MAN1A1: variants seen among roughly 807,000 people sequenced by gnomAD.
The protein encoded by MAN1A1 is mannosidase alpha class 1A member 1, also known as mannosyl-oligosaccharide 1,2-alpha-mannosidase IA.
In MAN1A1, 29 loss-of-function variants were observed where a neutral mutation model predicts 70.8. That is an observed-to-expected ratio of 0.41 (90% confidence interval 0.31 to 0.56). MAN1A1 has a LOEUF of 0.56. Ranked by LOEUF, MAN1A1 falls within the 20% of genes least tolerant of loss-of-function variation. The pLI is 0.29. For missense variants in MAN1A1, 747 were observed against 841.3 expected (o/e 0.89, Z 1.39); for synonymous variants, 349 against 330.1 (o/e 1.06, Z -0.62).
At chr6:119,259,357 T>C (rs1582743187) in intron 5 of MAN1A1, among the ~76,000 whole-genome samples, 1 of 152,176 alleles carries the variant, frequency 6.6e-6, no homozygotes. Context: ...TTAAACTCTA[T>C]AGGTATGAAA....
At chr6:119,331,466 C>A (rs1215029214) in intron 2 of MAN1A1, among the ~76,000 whole-genome samples, 1 of 151,262 alleles carries the variant, frequency 6.6e-6, no homozygotes, top group Non-Finnish European at 1.5e-5. Context: ...AATTGTTTTT[C>A]TCTTGATTTA....
intron 5 of MAN1A1, among the ~76,000 whole-genome samples, chr6:119,252,112 C>T (rs1279778164): frequency 2.0e-5 from 3 of 152,036 alleles, no homozygotes; most frequent in South Asian, 4.2e-4. Flanking sequence ...ACGATCTCAA[C>T]GAGGGCATGG....
At chr6:119,299,267 G>A (rs1244197148) in intron 4 of MAN1A1, among the ~76,000 whole-genome samples, 1 of 151,830 alleles carries the variant, frequency 6.6e-6, no homozygotes, top group East Asian at 1.9e-4. Context: ...GAATTTGTAT[G>A]TTACTATTTT....
At chr6:119,277,139 A>T (rs2114390057) in intron 5 of MAN1A1, among the ~76,000 whole-genome samples, 1 of 152,324 alleles carries the variant, frequency 6.6e-6, no homozygotes, top group Admixed American at 6.5e-5. Context: ...TTTTATTATC[A>T]ATTTAAATGA....
chr6:119,188,946 T>C (rs1196149948), intron 10 of MAN1A1, among the ~76,000 whole-genome samples: 2 of 152,200 alleles, frequency 1.3e-5, no homozygotes, highest in African/African-American at 4.8e-5. Flanking sequence ...ACATTTCTGA[T>C]CTGCAGTTGT....
chr6:119,349,806 C>T (rs1773855216), upstream of MAN1A1: 9 of 963,326 alleles, frequency 9.3e-6, no homozygotes, highest in Non-Finnish European at 1.1e-5. Flanking sequence ...AGGGAGGCGA[C>T]GCGGCCGGAG....
At chr6:119,199,974 G>T (rs768526409) in intron 8 of MAN1A1, among the ~76,000 whole-genome samples, 39 of 151,890 alleles carry the variant, frequency 2.6e-4, no homozygotes, top group Admixed American at 4.6e-4. Context: ...AGTACTATTT[G>T]GTGTTTGTTC....
intron 6 of MAN1A1, among the ~76,000 whole-genome samples, chr6:119,218,995 G>A (rs1473043987): frequency 1.3e-5 from 2 of 152,138 alleles, no homozygotes; most frequent in Non-Finnish European, 1.5e-5. Context: ...TGAATGTGCT[G>A]CAGAAACTTA....
chr6:119,345,934 C>T (rs988368065), intron 2 of MAN1A1, among the ~76,000 whole-genome samples: 2 of 152,066 alleles, frequency 1.3e-5, no homozygotes, highest in African/African-American at 4.8e-5. Context: ...GGTGAAACCC[C>T]GTCTCTACTA....
chr6:119,310,854 C>T (rs1772681373), intron 2 of MAN1A1, among the ~76,000 whole-genome samples: 1 of 152,210 alleles, frequency 6.6e-6, no homozygotes, highest in Non-Finnish European at 1.5e-5. Context: ...ATCAACAATG[C>T]TGTGGAGTCC....
rs76955652 is a variant in MAN1A1 at position 119,247,432 on chromosome 6, G to A, written c.992+828C>T. Among the ~76,000 whole-genome samples the A allele has an allele frequency of 6.0e-3, 908 of 152,250 alleles. 31 individuals are homozygous for A. The East Asian group carries it at 0.091, about 15-fold the overall frequency. On this transcript the variant is annotated intron_variant, in intron 6 of 12. Coordinates refer to ENST00000368468, the MANE Select transcript of MAN1A1 (RefSeq NM_005907.4). ...TAATATGTGGTAAGAGGACTAAAGA[G>A]CCCATCACATTTTATAGTGACAATA...
chr6:119,204,416 G>A (rs556618027), intron 7 of MAN1A1, among the ~76,000 whole-genome samples: 5 of 152,192 alleles, frequency 3.3e-5, no homozygotes, highest in Non-Finnish European at 7.3e-5. Context: ...ACATTTGTAC[G>A]ACACTTTCAG....
rs767581384 is a variant in MAN1A1, at chr6:119,248,357, GAA to G, written c.898-5_898-4del. Reference sequence around the variant, plus strand: ...TCCACTGCTTTCTTTCGAAAAATCTGAAAAGTCAAACAGTTAACTGTAAGCTA... The same window carrying G: ...TCCACTGCTTTCTTTCGAAAAATCTGAAGTCAAACAGTTAACTGTAAGCTA... On this transcript the variant is annotated splice_region_variant and splice_polypyrimidine_tract_variant and intron_variant, in intron 5 of 12. Coordinates refer to ENST00000368468, the MANE Select transcript of MAN1A1 (RefSeq NM_005907.4). 2 of 1,578,110 alleles carry G rather than the reference GAA, an allele frequency of 1.3e-6. No homozygotes were observed. Among genetic ancestry groups the G allele is most frequent in the Non-Finnish European group, 1.7e-6 (2 of 1,147,332 alleles).
At chr6:119,338,660 T>A (rs1274634615) in intron 2 of MAN1A1, among the ~76,000 whole-genome samples, 1 of 152,214 alleles carries the variant, frequency 6.6e-6, no homozygotes, top group Non-Finnish European at 1.5e-5. Context: ...AGGAGAAAGA[T>A]CCTTCCGCAG....
At chr6:119,313,661 T>TAAA (rs11386650) in intron 2 of MAN1A1, among the ~76,000 whole-genome samples, 1 of 145,142 alleles carries the variant, frequency 6.9e-6, no homozygotes. Flanking sequence ...CTACTTATAC[T>TAAA]AAAAAAAAAA....
At chr6:119,339,310 A>G (rs1204363152) in intron 2 of MAN1A1, among the ~76,000 whole-genome samples, 1 of 152,224 alleles carries the variant, frequency 6.6e-6, no homozygotes, top group Non-Finnish European at 1.5e-5. Context: ...ATAAAAAGTG[A>G]GACACAAATT....
intron 6 of MAN1A1, among the ~76,000 whole-genome samples, chr6:119,239,975 T>G (rs144209116): frequency 2.3e-3 from 343 of 152,346 alleles, no homozygotes; most frequent in African/African-American, 7.9e-3. Context: ...TTTGAAAAAC[T>G]TGAGATGAAA....
intron 2 of MAN1A1, among the ~76,000 whole-genome samples, chr6:119,311,441 AG>A (rs1271855098): frequency 6.6e-6 from 1 of 152,182 alleles, no homozygotes; most frequent in East Asian, 1.9e-4. Flanking sequence ...TCCAGGTGTA[AG>A]GCAATGTGGG....
At chr6:119,256,013 G>A (rs746220409) in intron 5 of MAN1A1, among the ~76,000 whole-genome samples, 1 of 151,706 alleles carries the variant, frequency 6.6e-6, no homozygotes, top group Non-Finnish European at 1.5e-5. Context: ...TAGCCTTCAG[G>A]CAATTAGATG....
Sources: allele counts gnomAD v4.1 joint callset (sites outside exome capture counted in the v4.1 genomes callset), GRCh38; gene constraint gnomAD v4.1.1; transcripts MANE v1.5; gene names NCBI Gene and HGNC (gene_info 2026-07-23, HGNC 2026-07-21).